Variants in RORA observed in about 807,000 individuals in gnomAD.
RORA encodes the protein RAR related orphan receptor A.
In RORA, 7 loss-of-function variants were observed where a neutral mutation model predicts 69.5. The ratio of observed to expected loss-of-function variants is 0.10; its 90% CI spans 0.06 to 0.19. RORA has a LOEUF of 0.19. Ranked by LOEUF, RORA falls within the 10% of genes least tolerant of loss-of-function variation. RORA has a pLI of 1.00. For synonymous variants in RORA, 261 were observed against 240.8 expected, an observed-to-expected ratio of 1.08 and a Z score of -0.78; for missense variants, 457 against 663.0, an observed-to-expected ratio of 0.69 and a Z score of 3.41.
Position 61,089,192 on chromosome 15 carries a change from C to A in RORA, c.166+139861G>T, listed in dbSNP as rs529076945. Among the ~76,000 whole-genome samples, 3 of 152,280 alleles carry A rather than the reference C, an allele frequency of 2.0e-5. No individual in the cohort carries two copies. The East Asian group carries it at 5.8e-4, about 29-fold the overall frequency. On this transcript the variant is annotated intron_variant, in intron 1 of 10. Transcript: ENST00000335670. Reference sequence around the variant, plus strand: ...AGGAATGAATTTTCTGTTAACTGGGCTTTTCCAGTTTCTCTTAGAGATAAT... The same window carrying A: ...AGGAATGAATTTTCTGTTAACTGGGATTTTCCAGTTTCTCTTAGAGATAAT...
At chr15:61,201,342 G>A (rs1375882349) in intron 1 of RORA, among the ~76,000 whole-genome samples, 1 of 152,206 alleles carries the variant, frequency 6.6e-6, no homozygotes, top group African/African-American at 2.4e-5. Context: ...TTGTTGGAGA[G>A]GCCTGGGTTA....
intron 1 of RORA, among the ~76,000 whole-genome samples, chr15:60,899,401 G>T (rs529802510): frequency 6.6e-6 from 1 of 152,146 alleles, no homozygotes; most frequent in East Asian, 1.9e-4. Context: ...GCATAGATGT[G>T]GATAGGAAAT....
At chr15:61,057,065 G>C (rs544067088) in intron 1 of RORA, among the ~76,000 whole-genome samples, 1 of 152,152 alleles carries the variant, frequency 6.6e-6, no homozygotes, top group Non-Finnish European at 1.5e-5. Flanking sequence ...ATTTTTGGTA[G>C]GTGCGTACCT....
chr15:61,166,679 CAGAGGGAGTCTCCCTCTGTT>C (rs1346964676), intron 1 of RORA, among the ~76,000 whole-genome samples: 2 of 151,958 alleles, frequency 1.3e-5, no homozygotes, highest in Non-Finnish European at 2.9e-5. Flanking sequence ...CCAAAAGTCA[CAGAGGGAGTCTCCCTCTGTT>C]AGAGGGAGAG....
At chr15:61,062,173 G>A (rs1162439745) in intron 1 of RORA, among the ~76,000 whole-genome samples, 5 of 152,342 alleles carry the variant, frequency 3.3e-5, no homozygotes, top group Non-Finnish European at 5.9e-5. Flanking sequence ...ATGCCTGACA[G>A]TGCTTTCAAT....
At chr15:60,927,584 C>G (rs183568046) in intron 1 of RORA, among the ~76,000 whole-genome samples, 26 of 152,136 alleles carry the variant, frequency 1.7e-4, no homozygotes, top group Non-Finnish European at 3.4e-4. Context: ...TCCAGCCTAG[C>G]CAACATGGTG....
At chr15:60,670,152 A>G (rs1217654819) in intron 2 of RORA, among the ~76,000 whole-genome samples, 1 of 151,486 alleles carries the variant, frequency 6.6e-6, no homozygotes, top group African/African-American at 2.4e-5. Flanking sequence ...AGATTTATAG[A>G]TTAAGGCCTT....
intron 1 of RORA, among the ~76,000 whole-genome samples, chr15:60,960,541 G>A (rs762146878): frequency 3.9e-5 from 6 of 152,156 alleles, no homozygotes; most frequent in Non-Finnish European, 8.8e-5. Context: ...TACTGAATGG[G>A]GCAGCGACTA....
chr15:60,564,145 G>C (rs961558143), intron 2 of RORA, among the ~76,000 whole-genome samples: 1 of 152,150 alleles, frequency 6.6e-6, no homozygotes, highest in Non-Finnish European at 1.5e-5. Context: ...TCTGGGATGA[G>C]ACACCTAAAT....
At chr15:60,732,701 C>A (rs899507058) in intron 1 of RORA, among the ~76,000 whole-genome samples, 9 of 152,184 alleles carry the variant, frequency 5.9e-5, no homozygotes, top group African/African-American at 2.2e-4. Flanking sequence ...CGTGTACACA[C>A]ACCCCCCTTT....
intron 1 of RORA, among the ~76,000 whole-genome samples, chr15:61,050,473 ATAAAGTAGAAGGACACTG>A (rs1192543005): frequency 1.3e-5 from 2 of 152,238 alleles, no homozygotes; most frequent in Non-Finnish European, 2.9e-5. Flanking sequence ...CATCGTGACA[ATAAAGTAGAAGGACACTG>A]TGTAATTCTA....
chr15:60,500,098 C>T (rs558809898), intron 9 of RORA, 94 bp from the exon 10 acceptor site: 2 of 744,622 alleles, frequency 2.7e-6, no homozygotes, highest in Non-Finnish European at 4.4e-6. Flanking sequence ...AATTATATCA[C>T]AATGAATATT....
intron 1 of RORA, among the ~76,000 whole-genome samples, chr15:60,693,314 C>T (rs957719586): frequency 6.6e-5 from 10 of 152,136 alleles, no homozygotes; most frequent in Admixed American, 2.0e-4. Context: ...ATAATAAGAG[C>T]CATTTATGAC....
intron 1 of RORA, among the ~76,000 whole-genome samples, chr15:61,111,770 A>T (rs1245033282): frequency 6.6e-6 from 1 of 152,270 alleles, no homozygotes; most frequent in Non-Finnish European, 1.5e-5. Context: ...AATGCAAATG[A>T]GTGAATTTTA....
Position 60,561,523 on chromosome 15 carries a change from T to C in RORA, c.197-29672A>G, listed in dbSNP as rs572562076. ...ACATTAAGAATTTTATCCCGTGTTG[T>C]AGATCCAGGAACACATGAGGAAGAT... On this transcript the variant is annotated intron_variant, in intron 2 of 10. Coordinates refer to ENST00000335670, the MANE Select transcript of RORA (RefSeq NM_134261.3). Among the ~76,000 whole-genome samples, 6 of 152,342 alleles carry C rather than the reference T, an allele frequency of 3.9e-5. No homozygotes were observed. In the South Asian group the frequency reaches 1.2e-3, roughly 32 times the overall value.
chr15:60,709,052 C>T (rs1398524420), intron 1 of RORA, among the ~76,000 whole-genome samples: 2 of 152,152 alleles, frequency 1.3e-5, no homozygotes, highest in African/African-American at 2.4e-5. Context: ...GGGGAAAATC[C>T]CAGAGGCCTT....
At chr15:60,930,065 T>G (rs11071571) in intron 1 of RORA, among the ~76,000 whole-genome samples, 149,854 of 152,272 alleles carry the variant, frequency 0.98, 73,785 homozygotes, top group Middle Eastern at 1. Flanking sequence ...CCCTTGAAAT[T>G]TGGCTAGTGT....
rs191751726 is a variant in RORA, at chr15:60,982,331, T to C, written c.166+246722A>G. 1.4e-3 allele frequency among the ~76,000 whole-genome samples: 219 copies of C among 152,298 alleles called. 1 individual carries two copies. Among genetic ancestry groups the C allele is most frequent in the African/African-American group, 5.1e-3 (212 of 41,574 alleles). Reference sequence around the variant, plus strand: ...TGGACATGTGAATGTTCTTCTAAAATCTTAAGAACATGTAGGACCTTTTCA... The same window carrying C: ...TGGACATGTGAATGTTCTTCTAAAACCTTAAGAACATGTAGGACCTTTTCA... On this transcript the variant is annotated intron_variant, in intron 1 of 10. Coordinates refer to ENST00000335670, the MANE Select transcript of RORA (RefSeq NM_134261.3).
At chr15:60,518,146 G>A (rs964708486) in intron 3 of RORA, among the ~76,000 whole-genome samples, 8 of 152,184 alleles carry the variant, frequency 5.3e-5, no homozygotes, top group African/African-American at 1.7e-4. Flanking sequence ...TTCCAAGTGC[G>A]AGCCCATGTA....
Sources: gnomAD v4.1 joint callset for allele counts (sites outside exome capture counted in the v4.1 genomes callset) on GRCh38, gnomAD v4.1.1 for gene constraint, MANE v1.5 for transcripts, NCBI Gene and HGNC (gene_info 2026-07-23, HGNC 2026-07-21) for gene names.